The following HIF1A variants were observed in gnomAD, a reference collection of about 807,000 sequenced individuals.
HIF1A encodes the protein hypoxia-inducible factor 1-alpha.
HIF1A carries 24 observed loss-of-function variants against 92.7 expected under a neutral mutation model. That is an observed-to-expected ratio of 0.26 (90% CI 0.19 to 0.36). The LOEUF is 0.36. Among genes scored for constraint, HIF1A ranks in the 10% least tolerant of loss-of-function variants. The probability of loss-of-function intolerance (pLI) is 1.00; values close to 1 mark genes in which losing one functional copy is unlikely to be tolerated. For synonymous variants in HIF1A, 319 were observed against 338.7 expected (o/e 0.94, Z 0.64); for missense variants, 799 against 998.5 (o/e 0.80, Z 2.69).
chr14:61,740,314 C>T, intron 10 of HIF1A, 191 bp from the exon 11 acceptor site: 1 of 412,424 alleles, frequency 2.4e-6, no homozygotes, highest in Non-Finnish European at 4.3e-6. Context: ...ATCCCTCCAC[C>T]TTGGCTTCCC....
At chr14:61,716,162 T>C (rs1566565102) in intron 1 of HIF1A, among the ~76,000 whole-genome samples, 1 of 152,062 alleles carries the variant, frequency 6.6e-6, no homozygotes, top group African/African-American at 2.4e-5. Context: ...TTAATAAGAT[T>C]AAAAAGATGC....
At position 61,732,669 on chromosome 14, in the gene HIF1A, T is replaced by G. The variant is rs1185739068; in HGVS notation, c.880+145T>G. The G allele has an allele frequency of 1.5e-5, 7 of 469,072 alleles. No individual in the cohort carries two copies. In the Admixed American group the frequency reaches 2.2e-4, roughly 14 times the overall value. The allele number at this position is 469,072 out of a possible 1,614,324, so 29.1% of individuals were successfully genotyped here. On this transcript the variant is annotated intron_variant, in intron 7 of 14. Coordinates refer to ENST00000337138, the MANE Select transcript of HIF1A (RefSeq NM_001530.4). ...CTATTCAGTAGAGATCTTGACCATTTTGTGTTTTGTATGTGTTGCAACAAA... is the reference window on the plus strand; with the variant it reads ...CTATTCAGTAGAGATCTTGACCATTGTGTGTTTTGTATGTGTTGCAACAAA...
intron 9 of HIF1A, among the ~76,000 whole-genome samples, chr14:61,737,567 G>C (rs906814357): frequency 6.6e-6 from 1 of 152,192 alleles, no homozygotes; most frequent in Non-Finnish European, 1.5e-5. Flanking sequence ...TTATGCCATA[G>C]AGATTAAGAC....
intron 7 of HIF1A, among the ~76,000 whole-genome samples, chr14:61,733,420 A>G (rs1426116483): frequency 3.3e-5 from 5 of 152,250 alleles, no homozygotes; most frequent in African/African-American, 4.8e-5. Context: ...TACCTTTGAC[A>G]TAAGATTTGA....
At chr14:61,742,566 A>C (rs540875911) in intron 12 of HIF1A, among the ~76,000 whole-genome samples, 12 of 152,228 alleles carry the variant, frequency 7.9e-5, no homozygotes, top group Admixed American at 4.6e-4. Flanking sequence ...TTAGCTCATG[A>C]CCTAATGTGT....
Position 61,695,562 on chromosome 14 carries a change from T to A in HIF1A, c.-243T>A. On this transcript the variant is annotated 5_prime_UTR_variant, in exon 1 of 15. Coordinates refer to ENST00000337138, the MANE Select transcript of HIF1A (RefSeq NM_001530.4). ...GGGGACAGGAGGATCACCCTCTTCG[T>A]CGCTTCGGCCAGTGTGTCGGGCTGG... 1.7e-6 allele frequency: 1 copy of A among 577,412 alleles called. No individual in the cohort carries two copies. Among genetic ancestry groups the A allele is most frequent in the Non-Finnish European group, 3.1e-6 (1 of 325,802 alleles). 35.8% of individuals were successfully genotyped at this position (577,412 alleles called of 1,614,324 possible).
At position 61,736,899 on chromosome 14, in the gene HIF1A, C is replaced by G. The variant is rs374681152; in HGVS notation, c.1039C>G (p.Gln347Glu). 44 of 1,611,446 alleles carry G rather than the reference C, an allele frequency of 2.7e-5. No individual in the cohort carries two copies. The highest frequency in any genetic ancestry group is 2.0e-4 in the South Asian group (18 of 91,010). Residue 347 changes from glutamine (Q) to glutamate (E), a missense_variant, in exon 9 of 15, where the codon CAG becomes GAG. Gln to Glu is a conservative substitution (Grantham distance 29). Coordinates refer to ENST00000337138, the MANE Select transcript of HIF1A (RefSeq NM_001530.4). ...CVNYVVSGIIQHDLIFSLQQT... is the reference protein window; with the variant it reads ...CVNYVVSGIIEHDLIFSLQQT... ...CTCTTGTTTTGACAGTGGTATTATT[C>G]AGCACGACTTGATTTTCTCCCTTCA...
rs369055596 is a variant in HIF1A at position 61,720,720 on chromosome 14, TCTCA to T, written c.226+151_226+154del. ...ACACGTTTAAAAATTTTTCTGTAAT[TCTCA>T]CTATTTTTATCAAGCTTCATTTTTT... On this transcript the variant is annotated intron_variant, in intron 2 of 14. Transcript: ENST00000337138. The T allele has an allele frequency of 1.3e-3, 581 of 432,320 alleles. 5 individuals are homozygous for T. Among genetic ancestry groups the T allele is most frequent in the African/African-American group, 9.9e-3 (487 of 49,174 alleles). The allele number at this position is 432,320 out of a possible 1,614,324, so 26.8% of individuals were successfully genotyped here. A position where few individuals can be genotyped will look rare whatever the true frequency, so the allele number is the denominator to read the frequency against.
chr14:61,728,718 T>A (rs2044538520), intron 6 of HIF1A, among the ~76,000 whole-genome samples: 2 of 152,192 alleles, frequency 1.3e-5, no homozygotes, highest in Admixed American at 6.6e-5. Flanking sequence ...TGCCATTGAA[T>A]TCATTAGCTC....
At chr14:61,726,933 T>C (rs1447661612) in intron 5 of HIF1A, 115 bp downstream of exon 5, 1 of 580,936 alleles carries the variant, frequency 1.7e-6, no homozygotes, top group Non-Finnish European at 3.0e-6. Flanking sequence ...TGTTTGGTTA[T>C]GTAACATTTA....
At chr14:61,743,259 C>A (rs2044736095) in intron 12 of HIF1A, among the ~76,000 whole-genome samples, 1 of 152,014 alleles carries the variant, frequency 6.6e-6, no homozygotes, top group African/African-American at 2.4e-5. Context: ...TTAGTAGAGA[C>A]AGTGTTTCTC....
rs764236741 is a variant in HIF1A, at chr14:61,745,700, T to C, written c.2212T>C (p.Leu738=). 54 of 1,613,412 alleles carry C rather than the reference T, an allele frequency of 3.3e-5. 1 individual carries two copies. The Admixed American group carries it at 5.5e-4, about 16-fold the overall frequency. ...ACTTTACTGTTTATAGGGAACATTA[T>C]TACAGCAGCCAGACGATCATGCAGC... ...LFQAVGIGTL[L]QQPDDHAATT... is the part of the protein sequence containing the mutation. Residue 738 remains leucine, a synonymous_variant, in exon 14 of 15, where the codon TTA becomes CTA. Coordinates refer to ENST00000337138, the MANE Select transcript of HIF1A (RefSeq NM_001530.4).
At chr14:61,740,071 T>TTTTTC (rs1359738401) in intron 10 of HIF1A, 1 of 122,800 alleles carries the variant, frequency 8.1e-6, no homozygotes, top group East Asian at 2.3e-4. Flanking sequence ...AATTTTTTTT[T>TTTTTC]TTTTTTTTTT....
chr14:61,702,502 CTGAT>C (rs5809117), intron 1 of HIF1A, among the ~76,000 whole-genome samples: 93,231 of 150,964 alleles, frequency 0.62, 33,523 homozygotes, highest in East Asian at 0.78. Context: ...CTGAGATTCA[CTGAT>C]TGGTAAGAAG....
rs182353844 is a variant in HIF1A, at chr14:61,719,639, G to C, written c.36-743G>C. On this transcript the variant is annotated intron_variant, in intron 1 of 14. Transcript: ENST00000337138. ...AATCTTTCTGATTTCCTTCTTGGAA[G>C]AGTTCCCTGAAGATATGTCATTGTA... is the stretch of plus-strand genomic sequence containing the variant. Among the ~76,000 whole-genome samples, 53 of 152,282 alleles carry C rather than the reference G, an allele frequency of 3.5e-4. No individual in the cohort carries two copies. In the East Asian group the frequency reaches 6.0e-3, roughly 17 times the overall value.
At chr14:61,703,518 C>A (rs938020187) in intron 1 of HIF1A, among the ~76,000 whole-genome samples, 2 of 151,940 alleles carry the variant, frequency 1.3e-5, no homozygotes, top group African/African-American at 4.8e-5. Flanking sequence ...TATACCTTTG[C>A]TCTATTTGCA....
At chr14:61,716,370 AAAACCAAC>A (rs1184672933) in intron 1 of HIF1A, among the ~76,000 whole-genome samples, 1 of 152,218 alleles carries the variant, frequency 6.6e-6, no homozygotes, top group Non-Finnish European at 1.5e-5. Context: ...AAAAACAACA[AAAACCAAC>A]TTGTACCTTC....
intron 6 of HIF1A, among the ~76,000 whole-genome samples, chr14:61,729,702 T>A (rs750384815): frequency 3.3e-5 from 5 of 152,010 alleles, no homozygotes; most frequent in Non-Finnish European, 7.4e-5. Flanking sequence ...AAACTTAAGG[T>A]AACAAAGTAG....
chr14:61,724,378 T>TCTCTCTCTCTCTCTCC (rs1470158587), intron 4 of HIF1A, among the ~76,000 whole-genome samples: 2 of 149,562 alleles, frequency 1.3e-5, no homozygotes, highest in Admixed American at 6.7e-5. Flanking sequence ...TCTCTCTCTC[T>TCTCTCTCTCTCTCTCC]CTCCCCCTCC....
Sources: allele counts gnomAD v4.1 joint callset (sites outside exome capture counted in the v4.1 genomes callset), GRCh38; gene constraint gnomAD v4.1.1; transcripts MANE v1.5; gene names NCBI Gene and HGNC (gene_info 2026-07-23, HGNC 2026-07-21).